KCNK13: variants seen among roughly 807,000 people sequenced by gnomAD.
The protein encoded by KCNK13 is potassium channel subfamily K member 13.
KCNK13 carries 12 observed loss-of-function variants against 23.4 expected under a neutral mutation model. The ratio of observed to expected loss-of-function variants is 0.51; its 90% CI spans 0.33 to 0.83. The LOEUF is 0.83. Ranked by LOEUF, KCNK13 falls within the 40% of genes least tolerant of loss-of-function variation. KCNK13 has a pLI of 0.02. For missense variants in KCNK13, 463 were observed against 556.3 expected, an observed-to-expected ratio of 0.83 and a Z score of 1.69; for synonymous variants, 231 against 229.5, an observed-to-expected ratio of 1.01 and a Z score of -0.06.
chr14:90,062,193 C>CGGGGGCCCCGCCCAG lies in KCNK13; in HGVS notation c.-5_-4insCGCCCAGGGGGGCCC. 1 of 1,385,456 alleles carries CGGGGGCCCCGCCCAG rather than the reference C, an allele frequency of 7.2e-7. No homozygotes were observed. The highest frequency in any genetic ancestry group is 9.3e-7 in the Non-Finnish European group (1 of 1,073,728). The allele number at this position is 1,385,456 out of a possible 1,614,324, so 85.8% of individuals were successfully genotyped here. A position where few individuals can be genotyped will look rare whatever the true frequency, so the allele number is the denominator to read the frequency against. The stretch of plus-strand genomic sequence containing the variant: ...GTGCCGTGGGCCTGGGGGCTGCCCC[C>CGGGGGCCCCGCCCAG]GGGGGCCCGGCCATGGCTGGCCGGG... On this transcript the variant is annotated 5_prime_UTR_variant, in exon 1 of 2. Coordinates refer to ENST00000282146, the MANE Select transcript of KCNK13 (RefSeq NM_022054.4). The surrounding 1 kb of genome is among the most constrained non-coding windows in gnomAD (Gnocchi z 4.5).
intron 1 of KCNK13, among the ~76,000 whole-genome samples, chr14:90,071,087 A>C (rs912353563): frequency 3.9e-5 from 6 of 152,148 alleles, no homozygotes; most frequent in African/African-American, 1.4e-4. Flanking sequence ...TGCATTAGAA[A>C]TTCTTGTTTA....
In KCNK13 at chr14:90,062,162, C is replaced by G. The variant is rs997710027; in HGVS notation, c.-44C>G. On this transcript the variant is annotated 5_prime_UTR_variant, in exon 1 of 2. Coordinates refer to ENST00000282146, the MANE Select transcript of KCNK13 (RefSeq NM_022054.4). This position sits in a 1 kb window ranked among gnomAD's most constrained non-coding sequence, Gnocchi z 4.5. ...GGGGGTGTGGGCGAGACTCCGCCGA[C>G]GCCCGGTGCCGTGGGCCTGGGGGCT... 5 of 1,250,086 alleles carry G rather than the reference C, an allele frequency of 4.0e-6. No individual in the cohort carries two copies. The highest frequency in any genetic ancestry group is 5.2e-6 in the Non-Finnish European group (5 of 970,676). 77.4% of individuals were successfully genotyped at this position (1,250,086 alleles called of 1,614,324 possible). A position where few individuals can be genotyped will look rare whatever the true frequency, so the allele number is the denominator to read the frequency against.
At chr14:90,107,662 G>T in intron 1 of KCNK13, 2 of 682,652 alleles carry the variant, frequency 2.9e-6, no homozygotes. Context: ...CAGGGGGACC[G>T]CAGCCTGTCA....
At chr14:90,086,922 A>G (rs1889282414) in intron 1 of KCNK13, among the ~76,000 whole-genome samples, 1 of 151,808 alleles carries the variant, frequency 6.6e-6, no homozygotes, top group Non-Finnish European at 1.5e-5. Context: ...ATATCTTCCA[A>G]TGATGAATGA....
At chr14:90,142,004 G>A (rs1014385044) in intron 1 of KCNK13, among the ~76,000 whole-genome samples, 8 of 150,316 alleles carry the variant, frequency 5.3e-5, no homozygotes, top group African/African-American at 2.0e-4. Flanking sequence ...AGCCAGGATG[G>A]TTTTGATCTG....
intron 1 of KCNK13, among the ~76,000 whole-genome samples, chr14:90,075,345 C>T (rs1212802022): frequency 1.3e-5 from 2 of 152,220 alleles, no homozygotes; most frequent in African/African-American, 2.4e-5. Context: ...AGCCTCCATG[C>T]CTCCCAGGTC....
intron 1 of KCNK13, among the ~76,000 whole-genome samples, chr14:90,086,191 T>G (rs1889273900): frequency 6.6e-6 from 1 of 152,182 alleles, no homozygotes; most frequent in African/African-American, 2.4e-5. Context: ...GGAGAATTTT[T>G]AAATTTAAAT....
intron 1 of KCNK13, among the ~76,000 whole-genome samples, chr14:90,072,255 C>T (rs1329117661): frequency 6.6e-6 from 1 of 152,208 alleles, no homozygotes; most frequent in Non-Finnish European, 1.5e-5. Context: ...TTTTCCCATT[C>T]TCTAATCAGC....
At chr14:90,067,141 T>TGCCTGTAGTCCCAGCTACTTG (rs1341642581) in intron 1 of KCNK13, among the ~76,000 whole-genome samples, 9 of 152,146 alleles carry the variant, frequency 5.9e-5, no homozygotes, top group African/African-American at 2.2e-4. Context: ...TGGTGGCCTG[T>TGCCTGTAGTCCCAGCTACTTG]GCCTGTAGTC....
chr14:90,184,795 G>A lies in KCNK13; in HGVS notation c.1019G>A (p.Arg340His), dbSNP rs370938898. Residue 340 changes from arginine (R) to histidine (H), a missense_variant, in exon 2 of 2, where the codon CGC becomes CAC. Arg to His is a conservative substitution (Grantham distance 29). Transcript: ENST00000282146. The surrounding 1 kb of genome is among the most constrained non-coding windows in gnomAD (Gnocchi z 5.6). ...GTGGCAGAGAGTGACACGGACGGGC[G>A]CCGGCTCTCAGGGGAGATGATCTCC... ...DGVAESDTDGRRLSGEMISMK... is the reference protein window; with the variant it reads ...DGVAESDTDGHRLSGEMISMK... 3.7e-6 allele frequency: 6 copies of A among 1,612,370 alleles called. No homozygotes were observed. Among genetic ancestry groups the A allele is most frequent in the East Asian group, 4.5e-5 (2 of 44,824 alleles).
chr14:90,174,322 A>AAAAT (rs979917664), intron 1 of KCNK13, among the ~76,000 whole-genome samples: 4 of 152,038 alleles, frequency 2.6e-5, no homozygotes, highest in African/African-American at 7.2e-5. Flanking sequence ...AAGACAATAA[A>AAAAT]AAATAAATAA....
intron 1 of KCNK13, among the ~76,000 whole-genome samples, chr14:90,072,668 T>C (rs548574568): frequency 6.6e-6 from 1 of 152,340 alleles, no homozygotes; most frequent in Admixed American, 6.5e-5. Flanking sequence ...TAAGGGCAGT[T>C]ACACTCTCTT....
At chr14:90,088,849 A>G (rs1889311783) in intron 1 of KCNK13, among the ~76,000 whole-genome samples, 2 of 152,086 alleles carry the variant, frequency 1.3e-5, no homozygotes, top group South Asian at 4.1e-4. Flanking sequence ...AATGAGTCTC[A>G]TGAGATCTGA....
intron 1 of KCNK13, among the ~76,000 whole-genome samples, chr14:90,082,225 C>A (rs1241485166): frequency 6.7e-6 from 1 of 148,778 alleles, no homozygotes; most frequent in Non-Finnish European, 1.5e-5. Flanking sequence ...CCACACCCAG[C>A]TAATTTTTTT....
At chr14:90,096,842 A>G (rs7350740) in intron 1 of KCNK13, among the ~76,000 whole-genome samples, 77,101 of 152,014 alleles carry the variant, frequency 0.51, 20,237 homozygotes, top group South Asian at 0.64. Flanking sequence ...GCTGCTGATC[A>G]CCACCCCTCA....
intron 1 of KCNK13, among the ~76,000 whole-genome samples, chr14:90,182,313 G>A (rs1820085725): frequency 6.6e-6 from 1 of 152,184 alleles, no homozygotes; most frequent in South Asian, 2.1e-4. Flanking sequence ...CTTGACTTGA[G>A]CAGACCAGCA....
chr14:90,142,540 G>T (rs747753198), intron 1 of KCNK13, among the ~76,000 whole-genome samples: 1 of 151,516 alleles, frequency 6.6e-6, no homozygotes, highest in Non-Finnish European at 1.5e-5. Flanking sequence ...GGATAGTCTC[G>T]ATCTCCTGAC....
At chr14:90,065,163 T>G (rs1327644699) in intron 1 of KCNK13, among the ~76,000 whole-genome samples, 2 of 152,220 alleles carry the variant, frequency 1.3e-5, no homozygotes, top group African/African-American at 4.8e-5. Context: ...AGAATTATAT[T>G]CTATAAACCA....
At chr14:90,082,153 C>T (rs1283317287) in intron 1 of KCNK13, among the ~76,000 whole-genome samples, 1 of 152,172 alleles carries the variant, frequency 6.6e-6, no homozygotes, top group Non-Finnish European at 1.5e-5. Flanking sequence ...CCTCTGCTTC[C>T]TGCGCTTAAG....
Sources: allele counts gnomAD v4.1 joint callset (sites outside exome capture counted in the v4.1 genomes callset), GRCh38; gene constraint gnomAD v4.1.1; non-coding constraint Gnocchi (gnomAD v3.1); transcripts MANE v1.5; gene names NCBI Gene and HGNC (gene_info 2026-07-23, HGNC 2026-07-21).